The following RGS6 variants were observed in gnomAD, a reference collection of about 807,000 sequenced individuals.
RGS6 encodes the protein regulator of G protein signaling 6, also known as regulator of G-protein signaling 6.
Under a neutral mutation model 78.5 loss-of-function variants are expected in RGS6, and 30 were observed. That is an observed-to-expected ratio of 0.38 (90% CI 0.29 to 0.52). RGS6 has a LOEUF of 0.52. Ranked by LOEUF, RGS6 falls within the 20% of genes least tolerant of loss-of-function variation. The pLI, the probability that RGS6 is intolerant of heterozygous loss-of-function variation, is 0.85. For synonymous variants in RGS6, 206 were observed against 206.0 expected (o/e 1.00, Z 0.00); for missense variants, 495 against 609.7 (o/e 0.81, Z 1.98).
At chr14:72,362,931 G>T (rs762224957) in intron 3 of RGS6, among the ~76,000 whole-genome samples, 6 of 152,166 alleles carry the variant, frequency 3.9e-5, no homozygotes, top group Non-Finnish European at 7.3e-5. Context: ...GTCATTCCAC[G>T]TAGAGAAAAT....
the RGS6 span, among the ~76,000 whole-genome samples, chr14:72,608,437 C>G: frequency 1.3e-5 from 2 of 152,086 alleles, no homozygotes; most frequent in African/African-American, 2.4e-5. Context: ...CCAGGGCAGC[C>G]AACTCACTGC....
chr14:72,366,564 A>G (rs1352335570), intron 3 of RGS6, among the ~76,000 whole-genome samples: 1 of 152,200 alleles, frequency 6.6e-6, no homozygotes, highest in East Asian at 1.9e-4. Flanking sequence ...TTGCAGGGGA[A>G]GTCACATACA....
At chr14:72,053,647 TA>T (rs2093461925) in intron 2 of RGS6, among the ~76,000 whole-genome samples, 1 of 152,266 alleles carries the variant, frequency 6.6e-6, no homozygotes, top group Non-Finnish European at 1.5e-5. Context: ...TAGGCAAACC[TA>T]TTTTTCTGTT....
At chr14:72,591,285 T>C in the RGS6 span, among the ~76,000 whole-genome samples, 2 of 152,160 alleles carry the variant, frequency 1.3e-5, no homozygotes, top group Non-Finnish European at 2.9e-5. Context: ...CAAAATTGAA[T>C]ATAAAAGTAA....
intron 2 of RGS6, among the ~76,000 whole-genome samples, chr14:72,295,463 C>T (rs111422149): frequency 2.0e-5 from 3 of 152,108 alleles, no homozygotes; most frequent in African/African-American, 7.2e-5. Context: ...GCTGAGACTC[C>T]CCCAGGACCC....
chr14:72,281,144 C>CTTTTT (rs11381940), intron 2 of RGS6, among the ~76,000 whole-genome samples: 75 of 112,830 alleles, frequency 6.6e-4, no homozygotes, highest in African/African-American at 2.4e-3. Flanking sequence ...AAACAAGATT[C>CTTTTT]TTTTTTTTTT....
chr14:72,050,859 C>T (rs2093189290), intron 2 of RGS6, among the ~76,000 whole-genome samples: 1 of 152,086 alleles, frequency 6.6e-6, no homozygotes, highest in African/African-American at 2.4e-5. Context: ...TTGAGTATGC[C>T]TGGATTTTGG....
At chr14:71,912,838 T>A in the RGS6 span, among the ~76,000 whole-genome samples, 1 of 152,088 alleles carries the variant, frequency 6.6e-6, no homozygotes, top group African/African-American at 2.4e-5. Flanking sequence ...TTTTTTTTAT[T>A]TTTTGAGACT....
At chr14:72,548,360 T>C (rs2097443518) in intron 17 of RGS6, among the ~76,000 whole-genome samples, 1 of 148,156 alleles carries the variant, frequency 6.7e-6, no homozygotes, top group African/African-American at 2.5e-5. Context: ...TGTGTGTGTG[T>C]GTGTGTGTGT....
intron 2 of RGS6, among the ~76,000 whole-genome samples, chr14:72,333,441 C>G (rs1343386156): frequency 6.6e-6 from 1 of 152,128 alleles, no homozygotes; most frequent in Middle Eastern, 3.2e-3. Flanking sequence ...CCTCCCCATT[C>G]GATGGAGATC....
Position 72,447,806 on chromosome 14 carries a change from A to G in RGS6, c.185-6722A>G, listed in dbSNP as rs548439592. 4.6e-5 allele frequency among the ~76,000 whole-genome samples: 7 copies of G among 152,162 alleles called. 1 individual carries two copies. In the East Asian group the frequency reaches 1.2e-3, roughly 25 times the overall value. ...CAACCTCCACCTCGCGGGTTGAAGCAATTCTCCCTGCCTCAGCCTCCCAAG... is the reference window on the plus strand; with the variant it reads ...CAACCTCCACCTCGCGGGTTGAAGCGATTCTCCCTGCCTCAGCCTCCCAAG... On this transcript the variant is annotated intron_variant, in intron 3 of 17. Transcript: ENST00000553525.
intron 2 of RGS6, among the ~76,000 whole-genome samples, chr14:72,273,048 TGAGGTTGCAGTGAGTG>T (rs367903940): frequency 1.1e-3 from 171 of 151,270 alleles, no homozygotes; most frequent in African/African-American, 3.8e-3. Flanking sequence ...CCTGGGAAGC[TGAGGTTGCAGTGAGTG>T]GAGGTTGCAG....
chr14:72,354,359 C>T (rs150231698), intron 3 of RGS6, among the ~76,000 whole-genome samples: 3 of 151,758 alleles, frequency 2.0e-5, no homozygotes, highest in African/African-American at 4.8e-5. Context: ...GGTGCCGTGA[C>T]TCATGCCTAT....
chr14:71,990,966 A>C, intron 2 of RGS6: 1 of 411,502 alleles, frequency 2.4e-6, no homozygotes, highest in South Asian at 1.8e-5. Flanking sequence ...GACAGGCCTA[A>C]TCACTCACCA....
At chr14:72,059,622 G>A (rs998210296) in intron 2 of RGS6, among the ~76,000 whole-genome samples, 7 of 152,146 alleles carry the variant, frequency 4.6e-5, no homozygotes, top group Admixed American at 3.3e-4. Flanking sequence ...TGGAATGCCT[G>A]TGAGCCCTAG....
chr14:72,585,994 C>T, the RGS6 span, among the ~76,000 whole-genome samples: 52 of 152,274 alleles, frequency 3.4e-4, no homozygotes, highest in South Asian at 6.2e-4. Flanking sequence ...AGTACTCTAC[C>T]ATTTAAAACT....
At chr14:71,882,574 T>C in the RGS6 span, among the ~76,000 whole-genome samples, 1 of 152,256 alleles carries the variant, frequency 6.6e-6, no homozygotes, top group South Asian at 2.1e-4. Flanking sequence ...GGAACAGGTC[T>C]ATCCTAATGG....
chr14:72,494,749 A>G (rs1023159850), intron 12 of RGS6, among the ~76,000 whole-genome samples: 1 of 152,224 alleles, frequency 6.6e-6, no homozygotes, highest in African/African-American at 2.4e-5. Flanking sequence ...CTGAGCTGGC[A>G]GTCTGGTGGA....
chr14:72,167,061 T>C (rs2096938159), intron 2 of RGS6, among the ~76,000 whole-genome samples: 1 of 148,766 alleles, frequency 6.7e-6, no homozygotes, highest in Non-Finnish European at 1.5e-5. Flanking sequence ...CATTTTTTTT[T>C]CATACCAGTT....
Sources: gnomAD v4.1 joint callset for allele counts (sites outside exome capture counted in the v4.1 genomes callset) on GRCh38, gnomAD v4.1.1 for gene constraint, MANE v1.5 for transcripts, NCBI Gene and HGNC (gene_info 2026-07-23, HGNC 2026-07-21) for gene names.